PIEZO1: variants seen among roughly 807,000 people sequenced by gnomAD.
The protein encoded by PIEZO1 is piezo type mechanosensitive ion channel component 1 (Er blood group), also known as piezo-type mechanosensitive ion channel component 1.
Under a neutral mutation model 297.2 loss-of-function variants are expected in PIEZO1, and 296 were observed. That is an observed-to-expected ratio of 1.00 (90% confidence interval 0.91 to 1.10). PIEZO1 has a LOEUF of 1.10. Ranked by LOEUF, PIEZO1 falls within the 50% of genes least tolerant of loss-of-function variation. The pLI, the probability that PIEZO1 is intolerant of heterozygous loss-of-function variation, is 0.00. For synonymous variants in PIEZO1, 2,427 were observed against 1,507.5 expected, an observed-to-expected ratio of 1.61 and a Z score of -14.13; for missense variants, 5,018 against 3,455.5, an observed-to-expected ratio of 1.45 and a Z score of -11.34.
At chr16:88,736,814 TG>T in intron 10 of PIEZO1, 75 bp from the exon 11 acceptor site, 2 of 922,316 alleles carry the variant, frequency 2.2e-6, no homozygotes, top group South Asian at 3.3e-5. Flanking sequence ...CCCTAAAATC[TG>T]GGCCCTGGGC....
chr16:88,756,906 C>G (rs532048846), intron 1 of PIEZO1, among the ~76,000 whole-genome samples: 1 of 152,032 alleles, frequency 6.6e-6, no homozygotes, highest in South Asian at 2.1e-4. Flanking sequence ...GAAACCCTGT[C>G]TCTACTAAAA....
rs145292604 is a variant in PIEZO1, at chr16:88,741,429, C to A, written c.465+49G>T. On this transcript the variant is annotated intron_variant, in intron 5 of 50. Coordinates refer to ENST00000301015, the MANE Select transcript of PIEZO1 (RefSeq NM_001142864.4). ...ATAACCCTCAAAATGGCTGAGACCA[C>A]AGCTCTCGAATGACCTCCCTGACAC... 137 of 1,459,564 alleles carry A rather than the reference C, an allele frequency of 9.4e-5. No homozygotes were observed. The East Asian group carries it at 2.9e-3, about 31-fold the overall frequency. 90.4% of individuals were successfully genotyped at this position (1,459,564 alleles called of 1,614,324 possible). A position where few individuals can be genotyped will look rare whatever the true frequency, so the allele number is the denominator to read the frequency against.
rs759432099 is a variant in PIEZO1, at chr16:88,720,448, G to A, written c.5886C>T (p.Ala1962=). The change falls in exon 41 of 51, where the codon GCC becomes GCT. Residue 1962 remains alanine (A), a synonymous_variant. Coordinates refer to ENST00000301015, the MANE Select transcript of PIEZO1 (RefSeq NM_001142864.4). ...TKYRAATDVY[A]LMFLADVVDF... ...CGACAACATCAGCCAGGAACATGAG[G>A]GCATAGACGTCGGTGGCTGCGCGGT... 1.8e-4 allele frequency: 285 copies of A among 1,550,374 alleles called. No homozygotes were observed. The highest frequency in any genetic ancestry group is 2.3e-4 in the Non-Finnish European group (267 of 1,146,968).
At chr16:88,723,531 G>C (rs1044253489) in intron 31 of PIEZO1, among the ~76,000 whole-genome samples, 2 of 152,220 alleles carry the variant, frequency 1.3e-5, no homozygotes, top group African/African-American at 4.8e-5. Flanking sequence ...TGGGTGGGCT[G>C]GTCTAACACC....
chr16:88,784,313 C>T (rs760782044), intron 1 of PIEZO1, among the ~76,000 whole-genome samples: 3 of 152,198 alleles, frequency 2.0e-5, no homozygotes, highest in African/African-American at 7.2e-5. Flanking sequence ...GGAACCCACA[C>T]TATTTTTTTC....
At chr16:88,761,737 C>A (rs1321331885) in intron 1 of PIEZO1, among the ~76,000 whole-genome samples, 1 of 152,014 alleles carries the variant, frequency 6.6e-6, no homozygotes, top group East Asian at 1.9e-4. Context: ...TCCTCCTGAC[C>A]CTCCCCACTG....
intron 12 of PIEZO1, among the ~76,000 whole-genome samples, 154 bp downstream of exon 12, chr16:88,735,994 C>T (rs1165286733): frequency 2.6e-5 from 4 of 152,254 alleles, no homozygotes; most frequent in South Asian, 2.1e-4. Flanking sequence ...TGAGAAGCTA[C>T]TCTGGGCTGG....
chr16:88,759,894 G>A (rs573194949), intron 1 of PIEZO1, among the ~76,000 whole-genome samples: 7 of 152,290 alleles, frequency 4.6e-5, no homozygotes, highest in African/African-American at 1.7e-4. Context: ...AGCTGTGTGG[G>A]GAGGGGACCT....
Position 88,720,303 on chromosome 16 carries a change from G to C in PIEZO1, c.5950-20C>G, listed in dbSNP as rs1912337957. ...GTGCTTCTGTGGCCAGGAGAGCACA[G>C]GTCAGGGGGAGCCAAGCCCAGGGGA... On this transcript the variant is annotated intron_variant, in intron 41 of 50. Coordinates refer to ENST00000301015, the MANE Select transcript of PIEZO1 (RefSeq NM_001142864.4). 6.5e-7 allele frequency: 1 copy of C among 1,550,194 alleles called. No homozygotes were observed. Among genetic ancestry groups the C allele is most frequent in the Non-Finnish European group, 8.7e-7 (1 of 1,146,862 alleles).
At chr16:88,724,138 G>C (rs1320876112) in intron 30 of PIEZO1, among the ~76,000 whole-genome samples, 167 bp from the exon 31 acceptor site, 9 of 152,236 alleles carry the variant, frequency 5.9e-5, no homozygotes, top group Non-Finnish European at 1.3e-4. Context: ...AGACAGAGGT[G>C]GGCAGGGCAG....
intron 1 of PIEZO1, among the ~76,000 whole-genome samples, chr16:88,763,724 T>G (rs1484614009): frequency 6.6e-6 from 1 of 152,100 alleles, no homozygotes; most frequent in Admixed American, 6.5e-5. Context: ...TGGACCACAA[T>G]GATTACATTG....
At chr16:88,778,832 C>G (rs561336673) in intron 1 of PIEZO1, among the ~76,000 whole-genome samples, 1 of 152,316 alleles carries the variant, frequency 6.6e-6, no homozygotes, top group South Asian at 2.1e-4. Context: ...CACCCACACA[C>G]CCAGGCATCC....
Position 88,732,672 on chromosome 16 carries a change from C to G in PIEZO1, c.2725G>C (p.Gly909Arg), listed in dbSNP as rs780589295. ...TEISQSLLYR[G>R]PVDPANWFGV... ...AACCAGTTGGCAGGGTCCACGGGCC[C>G]CCGGTACAGCAGGGACTGGCTGATC... The change falls in exon 20 of 51, where the codon GGG (glycine) becomes CGG (arginine). Residue 909 changes from glycine (G) to arginine (R), a missense_variant. Transcript: ENST00000301015. 26 of 1,549,564 alleles carry G rather than the reference C, an allele frequency of 1.7e-5. No homozygotes were observed. Among genetic ancestry groups the G allele is most frequent in the Non-Finnish European group, 2.2e-5 (25 of 1,146,536 alleles).
rs753503648 is a variant in PIEZO1, at chr16:88,726,341, C to T, written c.3911G>A (p.Ser1304Asn). The T allele has an allele frequency of 3.9e-6, 6 of 1,550,316 alleles. No homozygotes were observed. Among genetic ancestry groups the T allele is most frequent in the Non-Finnish European group, 5.2e-6 (6 of 1,146,966 alleles). ...GGCCCTGACGTGCAGGTAGTAATGGCTAAGGAAGACGCGGCGCTGCAGCAG... is the reference window on the plus strand; with the variant it reads ...GGCCCTGACGTGCAGGTAGTAATGGTTAAGGAAGACGCGGCGCTGCAGCAG... The part of the protein sequence containing the change: ...FLLLQRRVFL[S>N]HYYLHVRADL... The change falls in exon 27 of 51, where the codon AGC becomes AAC. Residue 1304 changes from serine to asparagine, a missense_variant. Ser to Asn is a conservative substitution (Grantham distance 46, BLOSUM62 1). Coordinates refer to ENST00000301015, the MANE Select transcript of PIEZO1 (RefSeq NM_001142864.4).
In PIEZO1 at chr16:88,715,742, T is replaced by C; in HGVS notation, c.7429A>G (p.Ile2477Val). 1 of 1,550,454 alleles carries C rather than the reference T, an allele frequency of 6.4e-7. No individual in the cohort carries two copies. Among genetic ancestry groups the C allele is most frequent in the South Asian group, 1.2e-5 (1 of 84,064 alleles). ...AAGATGTCCTGGCAGAGCTTGAGGA[T>C]GCGGTCCACGCACGGCAGCTCCTCG... The part of the protein sequence containing the change: ...MFEELPCVDR[I>V]LKLCQDIFLV... The change falls in exon 51 of 51, where the codon ATC becomes GTC. Residue 2477 changes from isoleucine to valine, a missense_variant. Physicochemically the swap from Ile to Val is conservative, Grantham distance 29. Transcript: ENST00000301015.
intron 1 of PIEZO1, among the ~76,000 whole-genome samples, chr16:88,769,192 C>T (rs566572057): frequency 1.3e-5 from 2 of 152,308 alleles, no homozygotes; most frequent in South Asian, 2.1e-4. Context: ...ATATATACCT[C>T]GTACACATAC....
chr16:88,741,279 C>G (rs543946690), intron 5 of PIEZO1, 199 bp downstream of exon 5: 11 of 535,388 alleles, frequency 2.1e-5, no homozygotes, highest in African/African-American at 1.5e-4. Flanking sequence ...AGGCAGAGCC[C>G]GAGTAGAAAC....
Position 88,757,331 on chromosome 16 carries a change from G to GC in PIEZO1, c.65-7853_65-7852insG, listed in dbSNP as rs1369087134. Among the ~76,000 whole-genome samples the GC allele has an allele frequency of 2.0e-4, 23 of 117,406 alleles. 1 individual carries two copies. The South Asian group carries it at 6.3e-3, about 32-fold the overall frequency. 77.0% of individuals were successfully genotyped at this position (117,406 alleles called of 152,430 possible). The stretch of plus-strand genomic sequence containing the variant: ...GGGGCGTTGCTGGCGGGGGGGTGGG[G>GC]GGTAGTTACCTAACCTGCCTGCTTT... On this transcript the variant is annotated intron_variant, in intron 1 of 50. Coordinates refer to ENST00000301015, the MANE Select transcript of PIEZO1 (RefSeq NM_001142864.4).
In PIEZO1 at chr16:88,766,399, C is replaced by T. The variant is rs975158748; in HGVS notation, c.65-16920G>A. Among the ~76,000 whole-genome samples, 16 of 152,202 alleles carry T rather than the reference C, an allele frequency of 1.1e-4. No homozygotes were observed. The South Asian group carries it at 3.3e-3, about 31-fold the overall frequency. On this transcript the variant is annotated intron_variant, in intron 1 of 50. Transcript: ENST00000301015. Reference sequence around the variant, plus strand: ...ACTTCAGACGTGACAGCCCCACAATCGCGTGCGTCAGCTCCTTAAAATAAA... The same window carrying T: ...ACTTCAGACGTGACAGCCCCACAATTGCGTGCGTCAGCTCCTTAAAATAAA...
Sources: gnomAD v4.1 joint callset for allele counts (sites outside exome capture counted in the v4.1 genomes callset) on GRCh38, gnomAD v4.1.1 for gene constraint, MANE v1.5 for transcripts, NCBI Gene and HGNC (gene_info 2026-07-23, HGNC 2026-07-21) for gene names.